MTA3: variants seen among roughly 807,000 people sequenced by gnomAD.
The protein encoded by MTA3 is metastasis associated 1 family member 3, also known as metastasis-associated protein MTA3.
A neutral mutation model predicts 83.5 loss-of-function variants in MTA3; 34 were observed. The ratio of observed to expected loss-of-function variants is 0.41; its 90% CI spans 0.31 to 0.54. MTA3 has a LOEUF of 0.54. Ranked by LOEUF, MTA3 falls within the 20% of genes least tolerant of loss-of-function variation. The probability of loss-of-function intolerance (pLI) is 0.33; values close to 1 mark genes in which losing one functional copy is unlikely to be tolerated. For synonymous variants in MTA3, 303 were observed against 252.7 expected (o/e 1.20, Z -1.89); for missense variants, 761 against 726.4 (o/e 1.05, Z -0.55).
chr2:42,726,161 A>G (rs1667801426), intron 16 of MTA3, among the ~76,000 whole-genome samples: 2 of 152,184 alleles, frequency 1.3e-5, no homozygotes, highest in Admixed American at 1.3e-4. Context: ...TAGCACTGCT[A>G]CTTAATTATC....
chr2:42,532,530 A>C (rs1676028783), intron 2 of MTA3, among the ~76,000 whole-genome samples: 1 of 152,196 alleles, frequency 6.6e-6, no homozygotes, highest in Admixed American at 6.5e-5. Context: ...AAAAGAAAAA[A>C]AGTATATCTG....
intron 9 of MTA3, among the ~76,000 whole-genome samples, chr2:42,695,148 G>A (rs994453565): frequency 6.6e-6 from 1 of 151,812 alleles, no homozygotes. Flanking sequence ...AGAAAGAAAT[G>A]TTATCAGTTA....
chr2:42,577,542 G>C (rs1679192231), intron 2 of MTA3, among the ~76,000 whole-genome samples: 1 of 151,004 alleles, frequency 6.6e-6, no homozygotes, highest in Admixed American at 6.6e-5. Context: ...GTGCAGTGGT[G>C]TGGTCTTGGC....
intron 16 of MTA3, among the ~76,000 whole-genome samples, chr2:42,747,357 A>T (rs900550028): frequency 2.0e-5 from 3 of 151,988 alleles, no homozygotes; most frequent in African/African-American, 7.2e-5. Flanking sequence ...TGGGGGCAGG[A>T]TCCTTTCTGA....
At chr2:42,709,292 A>C (rs1305183605) in intron 14 of MTA3, 196 bp downstream of exon 14, 3 of 1,362,184 alleles carry the variant, frequency 2.2e-6, no homozygotes, top group Non-Finnish European at 2.9e-6. Context: ...AAAAAAAATC[A>C]AAACATTGAA....
At chr2:42,519,906 G>T (rs1221844406) in intron 2 of MTA3, among the ~76,000 whole-genome samples, 1 of 152,128 alleles carries the variant, frequency 6.6e-6, no homozygotes, top group Non-Finnish European at 1.5e-5. Context: ...GCCAGGCATG[G>T]TGTTGAATGC....
intron 2 of MTA3, among the ~76,000 whole-genome samples, chr2:42,534,015 G>A (rs879519153): frequency 6.6e-5 from 10 of 152,120 alleles, no homozygotes; most frequent in Non-Finnish European, 1.3e-4. Context: ...GATCTCCTGA[G>A]GCTGGAAAAT....
chr2:42,744,478 T>A (rs990744729), intron 16 of MTA3, among the ~76,000 whole-genome samples: 8 of 152,166 alleles, frequency 5.3e-5, no homozygotes, highest in Non-Finnish European at 8.8e-5. Context: ...GCCTCCTTAA[T>A]AAGTGTCTCT....
At chr2:42,704,974 C>G (rs535608254) in intron 12 of MTA3, among the ~76,000 whole-genome samples, 5 of 152,272 alleles carry the variant, frequency 3.3e-5, no homozygotes, top group African/African-American at 1.2e-4. Context: ...ATATTATCAT[C>G]TATGTTTCCT....
At chr2:42,539,828 C>G (rs977971020) in intron 2 of MTA3, among the ~76,000 whole-genome samples, 6 of 152,012 alleles carry the variant, frequency 3.9e-5, no homozygotes, top group Non-Finnish European at 8.8e-5. Flanking sequence ...CCTCCTTGAC[C>G]TCACAAGGTG....
chr2:42,597,818 C>A (rs1682008041), intron 3 of MTA3, among the ~76,000 whole-genome samples: 2 of 151,128 alleles, frequency 1.3e-5, no homozygotes, highest in Non-Finnish European at 2.9e-5. Context: ...GTAGCTGGGA[C>A]TACAGTTGTG....
At chr2:42,502,038 A>G (rs1674420537) in intron 2 of MTA3, among the ~76,000 whole-genome samples, 1 of 152,070 alleles carries the variant, frequency 6.6e-6, no homozygotes, top group Non-Finnish European at 1.5e-5. Flanking sequence ...GATGGCTTAC[A>G]GGTAAGGGTT....
chr2:42,524,479 T>G (rs1572921166), intron 2 of MTA3, among the ~76,000 whole-genome samples: 2 of 114,824 alleles, frequency 1.7e-5, no homozygotes, highest in East Asian at 2.5e-4. Context: ...TGTGTTTTTT[T>G]TTTTTTTTTT....
chr2:42,558,390 A>T (rs1370815241), intron 2 of MTA3, among the ~76,000 whole-genome samples: 3 of 151,422 alleles, frequency 2.0e-5, no homozygotes, highest in Non-Finnish European at 4.4e-5. Context: ...AACTGGGACT[A>T]AAGGCATGTG....
chr2:42,708,440 A>C (rs1016079249), intron 13 of MTA3, among the ~76,000 whole-genome samples: 4 of 152,234 alleles, frequency 2.6e-5, no homozygotes, highest in Non-Finnish European at 4.4e-5. Flanking sequence ...AGGGACAAGA[A>C]GTATGGACTT....
chr2:42,583,315 A>G (rs1404643115), intron 3 of MTA3, among the ~76,000 whole-genome samples: 1 of 152,176 alleles, frequency 6.6e-6, no homozygotes, highest in East Asian at 1.9e-4. Context: ...TGGTGGAGTT[A>G]GATGTATCTT....
At chr2:42,734,829 A>C (rs1668496429) in intron 16 of MTA3, among the ~76,000 whole-genome samples, 1 of 152,198 alleles carries the variant, frequency 6.6e-6, no homozygotes, top group Admixed American at 6.5e-5. Flanking sequence ...ACAAATAGGC[A>C]AAGAGAAAAC....
At chr2:42,689,260 G>GT (rs1692666120) in intron 9 of MTA3, among the ~76,000 whole-genome samples, 1 of 152,158 alleles carries the variant, frequency 6.6e-6, no homozygotes, top group South Asian at 2.1e-4. Flanking sequence ...GTTTGCATCT[G>GT]TGTTTTTGAA....
At chr2:42,499,972 A>AAG (rs568945025) in intron 2 of MTA3, among the ~76,000 whole-genome samples, 3 of 151,400 alleles carry the variant, frequency 2.0e-5, no homozygotes, top group Non-Finnish European at 2.9e-5. Context: ...AAAAAAAAAA[A>AAG]AGAGAGAGAG....
Sources: allele counts gnomAD v4.1 joint callset (sites outside exome capture counted in the v4.1 genomes callset), GRCh38; gene constraint gnomAD v4.1.1; transcripts MANE v1.5; gene names NCBI Gene and HGNC (gene_info 2026-07-23, HGNC 2026-07-21).